PLA2G10: variants seen among roughly 807,000 people sequenced by gnomAD.
PLA2G10 encodes phospholipase A2 group X.
In PLA2G10, 9 loss-of-function variants were observed where a neutral mutation model predicts 7.9. The ratio of observed to expected loss-of-function variants is 1.14; its 90% CI spans 0.68 to 1.98. The LOEUF (loss-of-function observed/expected upper bound fraction) is 1.98. Among genes scored for constraint, PLA2G10 ranks in the 30% most tolerant of loss-of-function variants. The pLI is 0.00. For synonymous variants in PLA2G10, 19 were observed against 27.5 expected, an observed-to-expected ratio of 0.69 and a Z score of 0.97; for missense variants, 53 against 65.4, an observed-to-expected ratio of 0.81 and a Z score of 0.66.
intron 3 of PLA2G10, among the ~76,000 whole-genome samples, chr16:14,682,930 G>A (rs1456331944): frequency 4.6e-5 from 7 of 152,060 alleles, no homozygotes; most frequent in African/African-American, 1.7e-4. Context: ...TCAACTGGGT[G>A]TGGTGGCAGG....
chr16:14,685,287 G>A (rs904041443), intron 3 of PLA2G10, among the ~76,000 whole-genome samples: 3 of 151,490 alleles, frequency 2.0e-5, no homozygotes, highest in Non-Finnish European at 2.9e-5. Flanking sequence ...CAGGAGAATC[G>A]CTTGAACCCG....
intron 3 of PLA2G10, among the ~76,000 whole-genome samples, chr16:14,682,943 C>A (rs1385622853): frequency 1.3e-5 from 2 of 152,076 alleles, no homozygotes; most frequent in African/African-American, 4.8e-5. Context: ...GTGGCAGGGG[C>A]CTGTAATCCC....
intron 3 of PLA2G10, among the ~76,000 whole-genome samples, chr16:14,686,176 T>C (rs1961056094): frequency 6.6e-6 from 1 of 151,824 alleles, no homozygotes; most frequent in South Asian, 2.1e-4. Flanking sequence ...ATATTATTTG[T>C]AGAGATAGGG....
At chr16:14,673,099 A>C (rs1960636605) in intron 3 of PLA2G10, among the ~76,000 whole-genome samples, 1 of 139,544 alleles carries the variant, frequency 7.2e-6, no homozygotes, top group Non-Finnish European at 1.5e-5. Context: ...AGCTCACTGC[A>C]GCCTCCGCCT....
At position 14,672,677 on chromosome 16, in the gene PLA2G10, G is replaced by A. The variant is rs987957414; in HGVS notation, c.428C>T (p.Thr143Ile). The A allele has an allele frequency of 2.5e-6, 4 of 1,614,056 alleles. No individual in the cohort carries two copies. Among genetic ancestry groups the A allele is most frequent in the Non-Finnish European group, 3.4e-6 (4 of 1,179,898 alleles). Residue 143 changes from threonine (T) to isoleucine (I), a missense_variant, in exon 4 of 4, where the codon ACT becomes ATT. This residue lies in a region of PLA2G10 where 48 missense variants were observed against 47.0 expected (regional missense o/e 1.02). Transcript: ENST00000438167. ...GAAGAGGTACTTTAAGTTGTACTCA[G>A]TTTGGGCTAAGCAGTTAGCAATCTC... ...DQEIANCLAQ[T>I]EYNLKYLFYP...
At chr16:14,676,919 T>C (rs1474055244) in intron 3 of PLA2G10, among the ~76,000 whole-genome samples, 1 of 151,988 alleles carries the variant, frequency 6.6e-6, no homozygotes, top group Non-Finnish European at 1.5e-5. Context: ...AGCTAAGCTA[T>C]GGGGGGTACA....
At chr16:14,677,163 C>T (rs1411025349) in intron 3 of PLA2G10, among the ~76,000 whole-genome samples, 3 of 152,140 alleles carry the variant, frequency 2.0e-5, no homozygotes, top group African/African-American at 7.2e-5. Context: ...TTTAATTTTT[C>T]ATAACAAACA....
Position 14,673,035 on chromosome 16 carries a change from T to TC in PLA2G10, c.356-287dup, listed in dbSNP as rs200166544. Among the ~76,000 whole-genome samples, 6 of 149,672 alleles carry TC rather than the reference T, an allele frequency of 4.0e-5. No homozygotes were observed. In the East Asian group the frequency reaches 5.8e-4, roughly 14 times the overall value. ...TCTTTTCTTTTTTTTTTTTTTTTTT[T>TC]CTGAGATGGGGGCTTGCTCTGTCGC... On this transcript the variant is annotated intron_variant, in intron 3 of 3. Coordinates refer to ENST00000438167, the MANE Select transcript of PLA2G10 (RefSeq NM_003561.3).
intron 3 of PLA2G10, among the ~76,000 whole-genome samples, chr16:14,681,870 T>A (rs2151852072): frequency 6.6e-6 from 1 of 151,606 alleles, no homozygotes; most frequent in African/African-American, 2.4e-5. Flanking sequence ...AATAGGCAAG[T>A]TGAAGGGAGA....
At chr16:14,674,871 T>C (rs1354780761) in intron 3 of PLA2G10, among the ~76,000 whole-genome samples, 1 of 151,862 alleles carries the variant, frequency 6.6e-6, no homozygotes, top group Admixed American at 6.6e-5. Flanking sequence ...AACTAACTGA[T>C]CTTCAACAAA....
chr16:14,679,362 C>T (rs1567503336), intron 3 of PLA2G10, among the ~76,000 whole-genome samples: 1 of 151,696 alleles, frequency 6.6e-6, no homozygotes, highest in African/African-American at 2.4e-5. Flanking sequence ...AGCAAGACAC[C>T]ATCTCTACAA....
rs563170595 is a variant in PLA2G10, at chr16:14,674,659, C to G, written c.356-1910G>C. 2.6e-5 allele frequency among the ~76,000 whole-genome samples: 4 copies of G among 151,810 alleles called. No individual in the cohort carries two copies. In the South Asian group the frequency reaches 8.3e-4, roughly 32 times the overall value. ...GAGGTTGCAGTGAGCTGAGATCATG[C>G]CCCCTGCACTCCAGCCTGGGTGACA... On this transcript the variant is annotated intron_variant, in intron 3 of 3. Transcript: ENST00000438167.
intron 3 of PLA2G10, among the ~76,000 whole-genome samples, chr16:14,685,764 G>C (rs371280610): frequency 6.6e-6 from 1 of 151,680 alleles, no homozygotes; most frequent in Non-Finnish European, 1.5e-5. Context: ...GTGCAGTCTC[G>C]GCTCACTGCA....
intron 3 of PLA2G10, among the ~76,000 whole-genome samples, chr16:14,687,204 AAT>A (rs1961104465): frequency 6.6e-6 from 1 of 152,008 alleles, no homozygotes; most frequent in African/African-American, 2.4e-5. Context: ...ATAAAAATAA[AAT>A]AAATACTACA....
intron 3 of PLA2G10, among the ~76,000 whole-genome samples, chr16:14,676,582 G>A (rs764667536): frequency 3.3e-5 from 5 of 152,178 alleles, no homozygotes; most frequent in East Asian, 1.9e-4. Context: ...GGGAGGCTAC[G>A]GCAGGAGAAT....
chr16:14,686,368 T>G (rs929944308), intron 3 of PLA2G10, among the ~76,000 whole-genome samples: 5 of 152,114 alleles, frequency 3.3e-5, no homozygotes, highest in African/African-American at 1.2e-4. Flanking sequence ...TAACTTTGAG[T>G]CTCGCTGCCG....
intron 3 of PLA2G10, among the ~76,000 whole-genome samples, chr16:14,687,776 C>T (rs1334239201): frequency 1.3e-5 from 2 of 151,866 alleles, no homozygotes; most frequent in African/African-American, 4.8e-5. Flanking sequence ...GCGGGCAGAG[C>T]ACTTGAGGTG....
At chr16:14,673,334 G>T (rs531901163) in intron 3 of PLA2G10, among the ~76,000 whole-genome samples, 1 of 150,552 alleles carries the variant, frequency 6.6e-6, no homozygotes, top group Non-Finnish European at 1.5e-5. Flanking sequence ...GATATTACAC[G>T]ACTTCATTTG....
In PLA2G10 at chr16:14,683,482, C is replaced by T. The variant is rs557294415; in HGVS notation, c.355+4683G>A. Among the ~76,000 whole-genome samples, 13 of 152,020 alleles carry T rather than the reference C, an allele frequency of 8.6e-5. No individual in the cohort carries two copies. In the South Asian group the frequency reaches 1.0e-3, roughly 12 times the overall value. ...AACTCCTGAGTTCAGGCAATCCATCCGCCTCAGCCTCCCAAAGTGCTAGGA... is the reference window on the plus strand; with the variant it reads ...AACTCCTGAGTTCAGGCAATCCATCTGCCTCAGCCTCCCAAAGTGCTAGGA... On this transcript the variant is annotated intron_variant, in intron 3 of 3. Transcript: ENST00000438167.
Sources: allele counts gnomAD v4.1 joint callset (sites outside exome capture counted in the v4.1 genomes callset), GRCh38; gene constraint gnomAD v4.1.1; regional missense constraint gnomAD v4.1.1; transcripts MANE v1.5; gene names NCBI Gene and HGNC (gene_info 2026-07-23, HGNC 2026-07-21).